Variants in TFRC observed in about 807,000 individuals in gnomAD.
TFRC encodes transferrin receptor.
A neutral mutation model predicts 85.8 loss-of-function variants in TFRC; 35 were observed. The ratio of observed to expected loss-of-function variants is 0.41; its 90% CI spans 0.31 to 0.54. The LOEUF is 0.54. Among genes scored for constraint, TFRC ranks in the 20% least tolerant of loss-of-function variants. The pLI is 0.31. For synonymous variants in TFRC, 362 were observed against 328.6 expected (o/e 1.10, Z -1.10); for missense variants, 828 against 921.5 (o/e 0.90, Z 1.31).
chr3:196,053,291 T>C, intron 18 of TFRC, 127 bp downstream of exon 18: 4 of 1,045,332 alleles, frequency 3.8e-6, no homozygotes, highest in Admixed American at 2.3e-5. Flanking sequence ...AAATGACAGC[T>C]AAACCATTAA....
At position 196,065,510 on chromosome 3, in the gene TFRC, C is replaced by T; in HGVS notation, c.1131G>A (p.Val377=). ...TTTTTATCTCTTTCAGCACATTGCT[C>T]ACAGTGAGCTTCACATTCTTGCTTT... is the stretch of plus-strand genomic sequence containing the variant. ...TSESKNVKLT[V]SNVLKEIKIL... The change falls in exon 10 of 19, where the codon GTG becomes GTA. Residue 377 remains valine, a synonymous_variant. Transcript: ENST00000360110. The T allele has an allele frequency of 6.3e-7, 1 of 1,590,480 alleles. No individual in the cohort carries two copies. Among genetic ancestry groups the T allele is most frequent in the Non-Finnish European group, 8.6e-7 (1 of 1,165,988 alleles).
rs1716158265 is a variant in TFRC, at chr3:196,049,761, T to C, written c.*2181A>G. On this transcript the variant is annotated 3_prime_UTR_variant, in exon 19 of 19. Transcript: ENST00000360110. ...ACCAGGAATCTCAGCTATGACCTTT[T>C]CACTTAGCTACGCTAAATGTCAGTC... The C allele has an allele frequency of 4.3e-6, 1 of 230,342 alleles. No homozygotes were observed. Among genetic ancestry groups the C allele is most frequent in the South Asian group, 1.8e-4 (1 of 5,504 alleles). The allele number at this position is 230,342 out of a possible 1,614,324, so 14.3% of individuals were successfully genotyped here.
At chr3:196,078,968 T>A (rs991253005) in intron 1 of TFRC, among the ~76,000 whole-genome samples, 1 of 151,950 alleles carries the variant, frequency 6.6e-6, no homozygotes, top group East Asian at 2.0e-4. Flanking sequence ...GAGACGGGAT[T>A]TTACCACGTT....
intron 10 of TFRC, 118 bp downstream of exon 10, chr3:196,065,325 T>A (rs1348025266): frequency 5.2e-6 from 3 of 577,994 alleles, no homozygotes; most frequent in Non-Finnish European, 8.6e-6. Flanking sequence ...GATTGAGCAC[T>A]TCATAAAACC....
chr3:196,070,800 AT>A (rs1718130543), intron 6 of TFRC, among the ~76,000 whole-genome samples: 1 of 138,872 alleles, frequency 7.2e-6, no homozygotes, highest in Non-Finnish European at 1.5e-5. Flanking sequence ...AATAATAATA[AT>A]AATAATAAAA....
At position 196,050,412 on chromosome 3, in the gene TFRC, A is replaced by G; in HGVS notation, c.*1530T>C. On this transcript the variant is annotated 3_prime_UTR_variant, in exon 19 of 19. Transcript: ENST00000360110. ...TAGGGAATTATAGGAGTTGGGATAC[A>G]TGTTAGATACTAACGATCTTCAAGC... 4.8e-6 allele frequency: 1 copy of G among 210,398 alleles called. No homozygotes were observed. The highest frequency in any genetic ancestry group is 7.2e-5 in the East Asian group (1 of 13,824). The allele number at this position is 210,398 out of a possible 1,614,324, so 13.0% of individuals were successfully genotyped here. A position where few individuals can be genotyped will look rare whatever the true frequency, so the allele number is the denominator to read the frequency against.
chr3:196,062,724 A>G lies in TFRC; in HGVS notation c.1405-79T>C, dbSNP rs1032918141. ...CAGTAGCATTAGGGATTCATTTTCA[A>G]TTCTGGACTCTACTGAGACTAAACG... is the stretch of plus-strand genomic sequence containing the variant. On this transcript the variant is annotated intron_variant, in intron 12 of 18. Coordinates refer to ENST00000360110, the MANE Select transcript of TFRC (RefSeq NM_001128148.3). The G allele has an allele frequency of 2.1e-5, 33 of 1,547,928 alleles. No individual in the cohort carries two copies. The Admixed American group carries it at 5.9e-4, about 27-fold the overall frequency.
At chr3:196,068,868 T>G (rs1215107206) in intron 7 of TFRC, among the ~76,000 whole-genome samples, 1 of 148,544 alleles carries the variant, frequency 6.7e-6, no homozygotes, top group Non-Finnish European at 1.5e-5. Flanking sequence ...GAGGCGGAGG[T>G]TGCAGTGAGC....
intron 14 of TFRC, among the ~76,000 whole-genome samples, chr3:196,059,610 AT>A (rs1560072110): frequency 4.6e-5 from 7 of 151,396 alleles, no homozygotes; most frequent in East Asian, 1.9e-4. Flanking sequence ...TTATTTATTT[AT>A]TTATTTTTTT....
chr3:196,054,017 A>C (rs1716563871), intron 17 of TFRC, among the ~76,000 whole-genome samples: 1 of 151,838 alleles, frequency 6.6e-6, no homozygotes, highest in South Asian at 2.1e-4. Context: ...TGGGTGGATC[A>C]CCTGAGGTCA....
rs1217296156 is a variant in TFRC at position 196,058,333 on chromosome 3, G to T, written c.1628C>A (p.Pro543His). ...EKLTLDNAAF[P>H]FLAYSGIPAV... is the part of the protein sequence containing the mutation. ...TGGGATTCCAGAATATGCAAGGAAAGGGAAAGCAGCATTGTCTAAAGTGAG... is the reference window on the plus strand; with the variant it reads ...TGGGATTCCAGAATATGCAAGGAAATGGAAAGCAGCATTGTCTAAAGTGAG... The change falls in exon 16 of 19, where the codon CCT becomes CAT. Residue 543 changes from proline to histidine, a missense_variant. Physicochemically the swap from Pro to His is moderately conservative, Grantham distance 77. Coordinates refer to ENST00000360110, the MANE Select transcript of TFRC (RefSeq NM_001128148.3). 6.2e-7 allele frequency: 1 copy of T among 1,614,014 alleles called. No individual in the cohort carries two copies. Among genetic ancestry groups the T allele is most frequent in the Admixed American group, 1.7e-5 (1 of 59,986 alleles).
At chr3:196,077,220 T>C in intron 1 of TFRC, 98 bp from the exon 2 acceptor site, 1 of 791,078 alleles carries the variant, frequency 1.3e-6, no homozygotes, top group Non-Finnish European at 2.1e-6. Context: ...ATTTTTAAAA[T>C]ACATTATCAC....
intron 7 of TFRC, among the ~76,000 whole-genome samples, chr3:196,068,489 T>C (rs1717914825): frequency 6.6e-6 from 1 of 150,764 alleles, no homozygotes; most frequent in Admixed American, 6.6e-5. Context: ...CTGGCGCCTG[T>C]ATTCCCAGCT....
In TFRC at chr3:196,075,178, C is replaced by T. The variant is rs772151479; in HGVS notation, c.219G>A (p.Val73=). The change falls in exon 3 of 19, where the codon GTG becomes GTA. Residue 73 remains valine, a synonymous_variant. Transcript: ENST00000360110. ...SGSICYGTIA[V]IVFFLIGFMI... is the part of the protein sequence containing the mutation. ...TCTCACCAATCAAGAAAAAGACGAT[C>T]ACAGCAATAGTCCCATAGCAGATAC... 7 of 1,613,392 alleles carry T rather than the reference C, an allele frequency of 4.3e-6. No individual in the cohort carries two copies. The African/African-American group carries it at 8.0e-5, about 18-fold the overall frequency.
chr3:196,064,461 T>C, intron 10 of TFRC, 33 bp from the exon 11 acceptor site: 1 of 1,557,604 alleles, frequency 6.4e-7, no homozygotes, highest in Non-Finnish European at 8.6e-7. Flanking sequence ...AGAAAGAACT[T>C]ATATAATCAG....
rs1261094132 is a variant in TFRC, at chr3:196,053,538, C to T, written c.1920G>A (p.Gln640=). The change falls in exon 18 of 19, where the codon CAG becomes CAA. Residue 640 remains glutamine, a synonymous_variant. Transcript: ENST00000360110. ...ADIKEMGLSL[Q]WLYSARGDFF... Reference sequence around the variant, plus strand: ...AGTCTCCACGAGCAGAATACAGCCACTGTAAACTCAGGCCCATTTCCTGAA... The same window carrying T: ...AGTCTCCACGAGCAGAATACAGCCATTGTAAACTCAGGCCCATTTCCTGAA... 1 of 1,614,176 alleles carries T rather than the reference C, an allele frequency of 6.2e-7. No homozygotes were observed. Among genetic ancestry groups the T allele is most frequent in the East Asian group, 2.2e-5 (1 of 44,874 alleles).
In TFRC at chr3:196,050,723, T is replaced by C. The variant is rs533549638; in HGVS notation, c.*1219A>G. 2.5e-4 allele frequency: 51 copies of C among 205,286 alleles called. 1 individual carries two copies. In the South Asian group the frequency reaches 8.9e-3, roughly 36 times the overall value. The allele number at this position is 205,286 out of a possible 1,614,324, so 12.7% of individuals were successfully genotyped here. On this transcript the variant is annotated 3_prime_UTR_variant, in exon 19 of 19. Transcript: ENST00000360110. ...TACCACAGCCTTTAAGTGACATTGA[T>C]TTATAACTTGGTCACAATTCACTGC...
At position 196,055,107 on chromosome 3, in the gene TFRC, A is replaced by C. The variant is rs761026023; in HGVS notation, c.1872T>G (p.Asp624Glu). The part of the protein sequence containing the change: ...YNSQLLSFVR[D>E]LNQYRADIKE... ...TTATGTCTGCTCTGTATTGGTTCAG[A>C]TCCCTCACAAATGAAAGCAGTTGGC... Residue 624 changes from aspartate to glutamate, a missense_variant, in exon 17 of 19, where the codon GAT becomes GAG. Transcript: ENST00000360110. 3 of 1,614,066 alleles carry C rather than the reference A, an allele frequency of 1.9e-6. No homozygotes were observed. Among genetic ancestry groups the C allele is most frequent in the Non-Finnish European group, 2.5e-6 (3 of 1,180,046 alleles).
In TFRC at chr3:196,055,300, T is replaced by G. The variant is rs747175774; in HGVS notation, c.1679A>C (p.Asp560Ala). The G allele has an allele frequency of 1.1e-5, 18 of 1,613,284 alleles. No individual in the cohort carries two copies. In the South Asian group the frequency reaches 1.9e-4, roughly 17 times the overall value. The change falls in exon 17 of 19, where the codon GAC becomes GCC. Residue 560 changes from aspartate (D) to alanine (A), a missense_variant and splice_region_variant. By Grantham distance (126) the Asp-to-Ala change is moderately radical. Coordinates refer to ENST00000360110, the MANE Select transcript of TFRC (RefSeq NM_001128148.3). ...IPAVSFCFCE[D>A]TDYPYLGTTM... is the part of the protein sequence containing the mutation. The stretch of plus-strand genomic sequence containing the variant: ...GGTACCCAAATAAGGATAATCTGTG[T>G]CCTGCAAGACAACGCGAGGCTATGG...
Sources: allele counts gnomAD v4.1 joint callset (sites outside exome capture counted in the v4.1 genomes callset), GRCh38; gene constraint gnomAD v4.1.1; transcripts MANE v1.5; gene names NCBI Gene and HGNC (gene_info 2026-07-23, HGNC 2026-07-21).